LARGE1: variants seen among roughly 807,000 people sequenced by gnomAD.
The protein encoded by LARGE1 is xylosyl- and glucuronyltransferase LARGE1.
LARGE1 carries 43 observed loss-of-function variants against 87.6 expected under a neutral mutation model. The ratio of observed to expected loss-of-function variants is 0.49; its 90% CI spans 0.38 to 0.63. The LOEUF is 0.63. Ranked by LOEUF, LARGE1 falls within the 30% of genes least tolerant of loss-of-function variation. The pLI is 0.00. For missense variants in LARGE1, 802 were observed against 1,000.2 expected, an observed-to-expected ratio of 0.80 and a Z score of 2.67; for synonymous variants, 434 against 394.6, an observed-to-expected ratio of 1.10 and a Z score of -1.18.
intron 11 of LARGE1, among the ~76,000 whole-genome samples, chr22:33,179,894 A>G: frequency 6.6e-6 from 1 of 151,960 alleles, no homozygotes; most frequent in African/African-American, 2.4e-5. Context: ...CTACTGTGAC[A>G]GTATTAAGAG....
intron 6 of LARGE1, among the ~76,000 whole-genome samples, chr22:33,515,833 C>A (rs2071278264): frequency 6.6e-6 from 1 of 152,078 alleles, no homozygotes; most frequent in Non-Finnish European, 1.5e-5. Context: ...GGTGACGAGT[C>A]CAGAGTCACC....
chr22:33,851,165 G>A (rs2063572666), intron 1 of LARGE1, among the ~76,000 whole-genome samples: 1 of 152,224 alleles, frequency 6.6e-6, no homozygotes. Context: ...ATAAGGAGGA[G>A]AGATTACTGA....
At chr22:33,196,584 T>A (rs2146202452) in intron 11 of LARGE1, among the ~76,000 whole-genome samples, 1 of 151,680 alleles carries the variant, frequency 6.6e-6, no homozygotes, top group Admixed American at 6.6e-5. Flanking sequence ...AATAAGGAAA[T>A]TCACCTTAAA....
chr22:33,704,465 A>C (rs926059064), intron 2 of LARGE1, among the ~76,000 whole-genome samples: 2 of 152,158 alleles, frequency 1.3e-5, no homozygotes, highest in African/African-American at 4.8e-5. Context: ...TAGGGCCAGA[A>C]GCTTTGTGAA....
At chr22:33,505,716 G>A (rs1249109066) in intron 6 of LARGE1, among the ~76,000 whole-genome samples, 13 of 152,154 alleles carry the variant, frequency 8.5e-5, no homozygotes, top group Admixed American at 8.5e-4. Context: ...CAGGCTACCT[G>A]ATGACTTGGG....
chr22:33,463,701 C>A (rs943570084), intron 6 of LARGE1, among the ~76,000 whole-genome samples: 19 of 152,134 alleles, frequency 1.2e-4, no homozygotes, highest in African/African-American at 4.6e-4. Context: ...GAGACAGAGT[C>A]TTACTCTGTC....
intron 11 of LARGE1, among the ~76,000 whole-genome samples, chr22:33,198,206 C>A (rs1402598354): frequency 6.6e-6 from 1 of 151,938 alleles, no homozygotes; most frequent in Non-Finnish European, 1.5e-5. Flanking sequence ...ATAACAAGTA[C>A]AACGTATTAA....
chr22:33,716,947 G>A (rs868512966), intron 2 of LARGE1, among the ~76,000 whole-genome samples: 12 of 152,138 alleles, frequency 7.9e-5, no homozygotes, highest in African/African-American at 2.7e-4. Flanking sequence ...CCAAGATCTC[G>A]TTACATATCA....
chr22:33,167,498 T>C (rs1425443086), intron 11 of LARGE1, among the ~76,000 whole-genome samples: 1 of 152,210 alleles, frequency 6.6e-6, no homozygotes, highest in Non-Finnish European at 1.5e-5. Flanking sequence ...TTAATACCCA[T>C]AAGACCCTAT....
chr22:33,242,254 T>C (rs758420319), intron 11 of LARGE1, among the ~76,000 whole-genome samples: 8 of 152,216 alleles, frequency 5.3e-5, no homozygotes, highest in African/African-American at 1.9e-4. Flanking sequence ...AGGGCAGTTA[T>C]GTACCTCTGG....
intron 2 of LARGE1, among the ~76,000 whole-genome samples, chr22:33,707,950 A>G (rs1222616618): frequency 6.6e-6 from 1 of 152,136 alleles, no homozygotes; most frequent in Non-Finnish European, 1.5e-5. Flanking sequence ...GCAGAGACCC[A>G]GGATATGGAC....
chr22:33,774,950 G>T (rs1027901852), intron 1 of LARGE1, among the ~76,000 whole-genome samples: 1 of 152,160 alleles, frequency 6.6e-6, no homozygotes, highest in Non-Finnish European at 1.5e-5. Flanking sequence ...AGCCCAGGAA[G>T]CTTTGCCGTA....
chr22:33,453,414 CAAA>C (rs550428324), intron 6 of LARGE1, among the ~76,000 whole-genome samples: 1 of 127,550 alleles, frequency 7.8e-6, no homozygotes. Flanking sequence ...GACTCCATCT[CAAA>C]AAAAAAAAAA....
chr22:33,198,786 T>C (rs532028526), intron 11 of LARGE1, among the ~76,000 whole-genome samples: 63 of 152,310 alleles, frequency 4.1e-4, no homozygotes, highest in African/African-American at 1.5e-3. Flanking sequence ...CCTTTGCTAT[T>C]GTGAATAGTG....
chr22:33,825,858 T>C (rs2062767003), intron 1 of LARGE1, among the ~76,000 whole-genome samples: 1 of 151,884 alleles, frequency 6.6e-6, no homozygotes, highest in Admixed American at 6.6e-5. Context: ...CTGCAATTAA[T>C]AAAACAAAAC....
At chr22:33,481,820 G>A (rs2148207485) in intron 6 of LARGE1, among the ~76,000 whole-genome samples, 1 of 152,308 alleles carries the variant, frequency 6.6e-6, no homozygotes, top group Middle Eastern at 3.4e-3. Flanking sequence ...GTCATAAAGA[G>A]ACCGGCACCA....
chr22:33,234,084 T>C (rs1486759261), intron 11 of LARGE1, among the ~76,000 whole-genome samples: 1 of 152,248 alleles, frequency 6.6e-6, no homozygotes, highest in African/African-American at 2.4e-5. Flanking sequence ...CAAATTAATC[T>C]ACAAAAGTCT....
At chr22:33,774,503 C>A (rs578061005) in intron 1 of LARGE1, among the ~76,000 whole-genome samples, 2 of 152,082 alleles carry the variant, frequency 1.3e-5, no homozygotes, top group South Asian at 4.2e-4. Context: ...ATTACAGGCA[C>A]GTGCCACCAC....
intron 7 of LARGE1, among the ~76,000 whole-genome samples, chr22:33,431,406 T>C (rs537961871): frequency 1.3e-5 from 2 of 152,170 alleles, no homozygotes; most frequent in East Asian, 3.9e-4. Context: ...AGTAACGAGG[T>C]AGAATAATGG....
Sources: gnomAD v4.1 joint callset for allele counts (sites outside exome capture counted in the v4.1 genomes callset) on GRCh38, gnomAD v4.1.1 for gene constraint, MANE v1.5 for transcripts, NCBI Gene and HGNC (gene_info 2026-07-23, HGNC 2026-07-21) for gene names.